Variants in EP300 observed in about 807,000 individuals in gnomAD.
EP300 encodes histone acetyltransferase p300.
A neutral mutation model predicts 264.0 loss-of-function variants in EP300; 31 were observed. The ratio of observed to expected loss-of-function variants is 0.12; its 90% confidence interval spans 0.09 to 0.16. The LOEUF (loss-of-function observed/expected upper bound fraction) is 0.16, where lower values mean the gene tolerates loss of function less well. Ranked by LOEUF, EP300 falls within the 10% of genes least tolerant of loss-of-function variation. The pLI is 1.00. For missense variants in EP300, 2,766 were observed against 3,052.9 expected, an observed-to-expected ratio of 0.91 and a Z score of 2.21; for synonymous variants, 1,340 against 1,045.4, an observed-to-expected ratio of 1.28 and a Z score of -5.44.
At chr22:41,148,765 T>G in intron 12 of EP300, 1 of 502,536 alleles carries the variant, frequency 2.0e-6, no homozygotes, top group Non-Finnish European at 3.6e-6. Flanking sequence ...GTGCTAGGCA[T>G]ATTTGTGTAC....
intron 17 of EP300, among the ~76,000 whole-genome samples, chr22:41,155,685 A>G (rs189213066): frequency 6.6e-6 from 1 of 152,258 alleles, no homozygotes; most frequent in African/African-American, 2.4e-5. Flanking sequence ...CTGTCTCTGG[A>G]TTTGTCTGTT....
intron 14 of EP300, 61 bp from the exon 15 acceptor site, chr22:41,151,772 T>C (rs2059046808): frequency 2.6e-6 from 4 of 1,538,242 alleles, no homozygotes; most frequent in Admixed American, 3.3e-5. Context: ...CCTTACATTC[T>C]GATTGTATCG....
rs753189909 is a variant in EP300, at chr22:41,130,016, A to C, written c.1282+13A>C. Reference sequence around the variant, plus strand: ...AGAAATCAACAGCGTAAGTGATGAAATCTTTTGAAGGTTTATATGAAAAGT... The same window carrying C: ...AGAAATCAACAGCGTAAGTGATGAACTCTTTTGAAGGTTTATATGAAAAGT... On this transcript the variant is annotated intron_variant, in intron 5 of 30. Transcript: ENST00000263253. The C allele has an allele frequency of 1.9e-6, 3 of 1,597,676 alleles. No homozygotes were observed. Among genetic ancestry groups the C allele is most frequent in the Non-Finnish European group, 2.6e-6 (3 of 1,165,532 alleles).
intron 11 of EP300, among the ~76,000 whole-genome samples, chr22:41,147,360 T>C (rs1445530647): frequency 2.6e-5 from 4 of 151,642 alleles, no homozygotes; most frequent in African/African-American, 9.7e-5. Context: ...GGAGATCCTG[T>C]TAGTTGATAA....
At position 41,099,346 on chromosome 22, in the gene EP300, C is replaced by T. The variant is rs573396465; in HGVS notation, c.94+6248C>T. ...CCGCGCCCGGCCTGTTTTTGTTTTT[C>T]GTGGATATACAGTAGTCCCCCCTTA... On this transcript the variant is annotated intron_variant, in intron 1 of 30. Coordinates refer to ENST00000263253, the MANE Select transcript of EP300 (RefSeq NM_001429.4). 2.0e-5 allele frequency among the ~76,000 whole-genome samples: 3 copies of T among 152,204 alleles called. No homozygotes were observed. In the South Asian group the frequency reaches 6.2e-4, roughly 32 times the overall value.
chr22:41,157,261 C>G lies in EP300; in HGVS notation c.3354C>G (p.Val1118=), dbSNP rs11704815. The stretch of plus-strand genomic sequence containing the variant: ...AGTATCAGGAGCCCTGGCAGTATGT[C>G]GATGATATTTGGCTTATGTTCAATA... ...TGQYQEPWQY[V]DDIWLMFNNA... Residue 1118 remains valine, a synonymous_variant, in exon 18 of 31, where the codon GTC becomes GTG. Transcript: ENST00000263253. 16 of 1,614,050 alleles carry G rather than the reference C, an allele frequency of 9.9e-6. No individual in the cohort carries two copies. The highest frequency in any genetic ancestry group is 1.4e-5 in the Non-Finnish European group (16 of 1,180,012).
In EP300 at chr22:41,170,590, G is replaced by A; in HGVS notation, c.4452+19G>A. ...CTACAAGGTCAGTTGGGACATAGGG[G>A]CCAGGTGCTGACAATAGATCTGGAA... On this transcript the variant is annotated intron_variant, in intron 27 of 30. Coordinates refer to ENST00000263253, the MANE Select transcript of EP300 (RefSeq NM_001429.4). 6.2e-7 allele frequency: 1 copy of A among 1,612,230 alleles called. No individual in the cohort carries two copies. The highest frequency in any genetic ancestry group is 8.5e-7 in the Non-Finnish European group (1 of 1,178,770).
At chr22:41,103,411 G>A (rs1385045987) in intron 1 of EP300, among the ~76,000 whole-genome samples, 2 of 152,182 alleles carry the variant, frequency 1.3e-5, no homozygotes, top group African/African-American at 4.8e-5. Flanking sequence ...CAGAGATACA[G>A]TGGGGTTGGT....
chr22:41,134,434 G>A (rs111355898), intron 6 of EP300, among the ~76,000 whole-genome samples: 14,014 of 152,142 alleles, frequency 0.092, 897 homozygotes, highest in Middle Eastern at 0.14. Context: ...GTCTCGCTGT[G>A]TCACCCAGGC....
chr22:41,101,145 G>A (rs1346042015), intron 1 of EP300, among the ~76,000 whole-genome samples: 1 of 152,070 alleles, frequency 6.6e-6, no homozygotes, highest in Non-Finnish European at 1.5e-5. Context: ...TGCAATCCTG[G>A]CTCACTGTAG....
intron 4 of EP300, 31 bp downstream of exon 4, chr22:41,127,779 G>T: frequency 6.2e-7 from 1 of 1,613,566 alleles, no homozygotes; most frequent in Non-Finnish European, 8.5e-7. Context: ...ACTGTACTTA[G>T]CAATTTTTAC....
intron 6 of EP300, among the ~76,000 whole-genome samples, chr22:41,133,805 C>T (rs745685357): frequency 9.2e-5 from 14 of 152,080 alleles, no homozygotes; most frequent in Admixed American, 3.3e-4. Flanking sequence ...AACCAGTGAT[C>T]TGCTTTTAAG....
chr22:41,178,478 G>T lies in EP300; in HGVS notation c.6767G>T (p.Ser2256Ile), dbSNP rs781439701. 6.2e-7 allele frequency: 1 copy of T among 1,614,074 alleles called. No homozygotes were observed. The highest frequency in any genetic ancestry group is 2.2e-5 in the East Asian group (1 of 44,874). ...PQALGAEAGASLQAYQQRLLQ... is the reference protein window; with the variant it reads ...PQALGAEAGAILQAYQQRLLQ... ...GCCTTGGGAGCAGAGGCAGGTGCCA[G>T]TCTACAGGCCTATCAGCAGCGACTC... The change falls in exon 31 of 31, where the codon AGT becomes ATT. Residue 2256 changes from serine to isoleucine, a missense_variant. By Grantham distance (142) the Ser-to-Ile change is moderately radical. Coordinates refer to ENST00000263253, the MANE Select transcript of EP300 (RefSeq NM_001429.4).
chr22:41,093,282 T>C (rs1284462825), intron 1 of EP300, among the ~76,000 whole-genome samples, 184 bp downstream of exon 1: 1 of 152,194 alleles, frequency 6.6e-6, no homozygotes, highest in East Asian at 1.9e-4. Context: ...TGCCTCCTAA[T>C]ACATTGATTG....
intron 2 of EP300, 162 bp from the exon 3 acceptor site, chr22:41,125,702 A>G (rs1005570127): frequency 4.1e-6 from 3 of 723,944 alleles, no homozygotes; most frequent in South Asian, 1.9e-5. Context: ...TTTAGTAGAG[A>G]TGGGGTTTTG....
At position 41,149,836 on chromosome 22, in the gene EP300, T is replaced by G. The variant is rs1216878499; in HGVS notation, c.2455T>G (p.Cys819Gly). 1.9e-6 allele frequency: 3 copies of G among 1,614,144 alleles called. No homozygotes were observed. Among genetic ancestry groups the G allele is most frequent in the Non-Finnish European group, 2.5e-6 (3 of 1,180,030 alleles). The stretch of plus-strand genomic sequence containing the variant: ...AGGGTCTCAGGGGAGCCACATTCAC[T>G]GTCCCCAGCTTCCTCAACCAGCTCT... ...PPGSQGSHIH[C>G]PQLPQPALHQ... is the part of the protein sequence containing the mutation. Residue 819 changes from cysteine (C) to glycine (G), a missense_variant, in exon 14 of 31, where the codon TGT becomes GGT. Cys to Gly is a radical substitution (Grantham distance 159, BLOSUM62 -3). Transcript: ENST00000263253.
chr22:41,140,072 A>T, intron 8 of EP300, 68 bp from the exon 9 acceptor site: 1 of 1,121,388 alleles, frequency 8.9e-7, no homozygotes, highest in Non-Finnish European at 1.4e-6. Flanking sequence ...TGTTCAGTGT[A>T]TAAAAATCAG....
At chr22:41,161,853 A>G (rs1231136681) in intron 20 of EP300, among the ~76,000 whole-genome samples, 2 of 152,320 alleles carry the variant, frequency 1.3e-5, no homozygotes, top group Non-Finnish European at 2.9e-5. Flanking sequence ...TAAAGATAGC[A>G]GTGTCTGGGT....
intron 7 of EP300, among the ~76,000 whole-genome samples, chr22:41,136,704 C>G (rs1765387819): frequency 6.6e-6 from 1 of 152,070 alleles, no homozygotes; most frequent in Admixed American, 6.6e-5. Context: ...GTCCATCATC[C>G]AAAGCATTCC....
Sources: gnomAD v4.1 joint callset for allele counts (sites outside exome capture counted in the v4.1 genomes callset) on GRCh38, gnomAD v4.1.1 for gene constraint, MANE v1.5 for transcripts, NCBI Gene and HGNC (gene_info 2026-07-23, HGNC 2026-07-21) for gene names.